Variants in MYO16 observed in about 807,000 individuals in gnomAD.
MYO16 encodes the protein unconventional myosin-XVI.
A neutral mutation model predicts 205.3 loss-of-function variants in MYO16; 94 were observed. The ratio of observed to expected loss-of-function variants is 0.46; its 90% CI spans 0.39 to 0.54. The LOEUF (loss-of-function observed/expected upper bound fraction) is 0.54. Ranked by LOEUF, MYO16 falls within the 20% of genes least tolerant of loss-of-function variation. The probability of loss-of-function intolerance (pLI) is 0.00; values close to 1 mark genes in which losing one functional copy is unlikely to be tolerated. For missense variants in MYO16, 2,315 were observed against 2,387.5 expected, an observed-to-expected ratio of 0.97 and a Z score of 0.63; for synonymous variants, 988 against 954.0, an observed-to-expected ratio of 1.04 and a Z score of -0.66.
the MYO16 span, among the ~76,000 whole-genome samples, chr13:108,510,278 G>A: frequency 5.3e-5 from 8 of 151,686 alleles, no homozygotes; most frequent in East Asian, 7.8e-4. Context: ...CATCACGCCC[G>A]GCTAATTTTT....
chr13:109,013,221 G>T (rs978471537), intron 22 of MYO16, among the ~76,000 whole-genome samples: 8 of 149,896 alleles, frequency 5.3e-5, no homozygotes, highest in African/African-American at 2.0e-4. Flanking sequence ...GCGGTGTTTG[G>T]TTTTCTGTCC....
At chr13:108,710,170 T>C (rs1883664884) in intron 2 of MYO16, among the ~76,000 whole-genome samples, 1 of 152,214 alleles carries the variant, frequency 6.6e-6, no homozygotes, top group African/African-American at 2.4e-5. Context: ...AGCTGACTGG[T>C]AAAATTCCAG....
intron 2 of MYO16, among the ~76,000 whole-genome samples, chr13:108,667,747 A>G (rs1009877040): frequency 6.6e-6 from 1 of 152,214 alleles, no homozygotes; most frequent in Non-Finnish European, 1.5e-5. Flanking sequence ...AAGTAACAAA[A>G]CACAAAAAAT....
chr13:108,718,025 G>A (rs1445116114), intron 3 of MYO16, among the ~76,000 whole-genome samples: 2 of 152,074 alleles, frequency 1.3e-5, no homozygotes, highest in Non-Finnish European at 2.9e-5. Context: ...GCCCAAAACC[G>A]AGCTGCTCTT....
chr13:108,853,009 AG>A (rs777426711), intron 10 of MYO16, among the ~76,000 whole-genome samples: 2 of 152,250 alleles, frequency 1.3e-5, no homozygotes, highest in African/African-American at 2.4e-5. Context: ...CATTTGAAGT[AG>A]GGAAGCTCAA....
In MYO16 at chr13:109,206,955, C is replaced by A; in HGVS notation, c.*119C>A. 1.3e-6 allele frequency: 1 copy of A among 772,202 alleles called. No homozygotes were observed. Among genetic ancestry groups the A allele is most frequent in the Non-Finnish European group, 2.1e-6 (1 of 477,122 alleles). 47.8% of individuals were successfully genotyped at this position (772,202 alleles called of 1,614,324 possible). On this transcript the variant is annotated 3_prime_UTR_variant, in exon 35 of 35. Coordinates refer to ENST00000457511, the MANE Select transcript of MYO16 (RefSeq NM_001198950.3). Reference sequence around the variant, plus strand: ...TCTCCACGCATTTAGACAAAAAAAGCACAGGACACAGACACTAAATATATG... The same window carrying A: ...TCTCCACGCATTTAGACAAAAAAAGAACAGGACACAGACACTAAATATATG...
chr13:109,055,490 AT>A lies in MYO16; in HGVS notation c.3235del (p.Tyr1079ThrfsTer15), dbSNP rs1451313099. ...NNSKLPDTFD[N>X]FYVSAQLQYI... ...TCAAAGCTGCCAGATACTTTTGATA[AT>A]TTTTACGTGTCTGCTCAGCTACAAT... is the stretch of plus-strand genomic sequence containing the variant. On this transcript the variant is annotated frameshift_variant, in exon 27 of 35. Transcript: ENST00000457511. LOFTEE classifies it high-confidence loss of function. The surrounding 1 kb of genome is among the most constrained non-coding windows in gnomAD (Gnocchi z 5.0). 6.2e-7 allele frequency: 1 copy of A among 1,613,018 alleles called. No individual in the cohort carries two copies. The highest frequency in any genetic ancestry group is 1.7e-5 in the Admixed American group (1 of 59,850).
At chr13:108,908,618 A>C (rs1178334459) in intron 15 of MYO16, among the ~76,000 whole-genome samples, 1 of 152,194 alleles carries the variant, frequency 6.6e-6, no homozygotes, top group African/African-American at 2.4e-5. Context: ...TCACCCAAAT[A>C]ATATTGACAA....
intron 27 of MYO16, among the ~76,000 whole-genome samples, chr13:109,071,650 A>G (rs1887928881): frequency 6.6e-6 from 1 of 152,212 alleles, no homozygotes; most frequent in South Asian, 2.1e-4. Flanking sequence ...CCATTTATAC[A>G]TTAGATTTGG....
chr13:109,174,176 A>C (rs1281268621), intron 33 of MYO16, among the ~76,000 whole-genome samples: 2 of 152,178 alleles, frequency 1.3e-5, no homozygotes, highest in African/African-American at 4.8e-5. Context: ...AAATGATGGG[A>C]GAATACAGCA....
intron 27 of MYO16, among the ~76,000 whole-genome samples, chr13:109,100,111 G>T (rs1481141251): frequency 6.6e-6 from 1 of 152,154 alleles, no homozygotes; most frequent in South Asian, 2.1e-4. Flanking sequence ...GTTAACCACT[G>T]TAAGTGCAAA....
intron 9 of MYO16, among the ~76,000 whole-genome samples, chr13:108,824,899 GA>G (rs1876171183): frequency 6.6e-6 from 1 of 151,942 alleles, no homozygotes; most frequent in African/African-American, 2.4e-5. Context: ...AGCAAGTAAA[GA>G]GATTGAATTA....
rs1208137749 is a variant in MYO16 at position 109,141,015 on chromosome 13, G to T, written c.4803G>T (p.Pro1601=). ...CCACGCCGCCCCCGCCCCCGCCCCCGCCCGGGCCGCCCCCCGCGCCCTACA... is the reference window on the plus strand; with the variant it reads ...CCACGCCGCCCCCGCCCCCGCCCCCTCCCGGGCCGCCCCCCGCGCCCTACA... ...PPSTPPPPPP[P]PGPPPAPYRP... is the part of the protein sequence containing the mutation. The change falls in exon 32 of 35, where the codon CCG becomes CCT. Residue 1601 remains proline (P), a synonymous_variant. Coordinates refer to ENST00000457511, the MANE Select transcript of MYO16 (RefSeq NM_001198950.3). The surrounding 1 kb of genome is among the most constrained non-coding windows in gnomAD (Gnocchi z 4.1). 3.1e-6 allele frequency: 4 copies of T among 1,286,906 alleles called. No homozygotes were observed. The highest frequency in any genetic ancestry group is 3.9e-6 in the Non-Finnish European group (4 of 1,019,228). 79.7% of individuals were successfully genotyped at this position (1,286,906 alleles called of 1,614,324 possible). A position where few individuals can be genotyped will look rare whatever the true frequency, so the allele number is the denominator to read the frequency against.
chr13:108,886,422 G>A (rs1566391190), intron 13 of MYO16: 1 of 456,210 alleles, frequency 2.2e-6, no homozygotes, highest in Admixed American at 2.3e-5. Flanking sequence ...CCAGGTTCTT[G>A]CCTCACGACC....
chr13:109,051,953 A>C (rs1887259854), intron 24 of MYO16, among the ~76,000 whole-genome samples: 1 of 151,994 alleles, frequency 6.6e-6, no homozygotes, highest in South Asian at 2.1e-4. Flanking sequence ...TCTAATAGAG[A>C]CCATAAGTCT....
intron 2 of MYO16, among the ~76,000 whole-genome samples, chr13:108,710,798 A>G (rs1883689581): frequency 6.6e-6 from 1 of 152,240 alleles, no homozygotes; most frequent in Admixed American, 6.5e-5. Context: ...TACTAATATT[A>G]TAACATGATA....
chr13:109,144,295 G>T (rs769029918), intron 32 of MYO16, among the ~76,000 whole-genome samples: 1 of 152,126 alleles, frequency 6.6e-6, no homozygotes, highest in African/African-American at 2.4e-5. Flanking sequence ...GATTACAGAC[G>T]TGAACCACCA....
Position 109,141,148 on chromosome 13 carries a change from C to T in MYO16, c.4936C>T (p.Pro1646Ser), listed in dbSNP as rs1420274505. The T allele has an allele frequency of 6.2e-7, 1 of 1,602,534 alleles. No individual in the cohort carries two copies. Among genetic ancestry groups the T allele is most frequent in the African/African-American group, 1.3e-5 (1 of 74,122 alleles). Residue 1646 changes from proline (P) to serine (S), a missense_variant, in exon 32 of 35, where the codon CCC (proline) becomes TCC (serine). Pro to Ser is a moderately conservative substitution (Grantham distance 74). Coordinates refer to ENST00000457511, the MANE Select transcript of MYO16 (RefSeq NM_001198950.3). The surrounding 1 kb of genome is among the most constrained non-coding windows in gnomAD (Gnocchi z 4.1). ...PKVHPKPNSA[P>S]VAGPCSSFPK... ...GGTTCACCCAAAGCCAAACTCTGCCCCCGTGGCCGGGCCCTGCAGCTCCTT... is the reference window on the plus strand; with the variant it reads ...GGTTCACCCAAAGCCAAACTCTGCCTCCGTGGCCGGGCCCTGCAGCTCCTT...
intron 10 of MYO16, among the ~76,000 whole-genome samples, chr13:108,849,269 C>T (rs1566367696): frequency 6.6e-6 from 1 of 152,170 alleles, no homozygotes; most frequent in Non-Finnish European, 1.5e-5. Context: ...CAGCTCACTG[C>T]AACCTCCGCC....
Sources: allele counts gnomAD v4.1 joint callset (sites outside exome capture counted in the v4.1 genomes callset), GRCh38; gene constraint gnomAD v4.1.1; non-coding constraint Gnocchi (gnomAD v3.1); transcripts MANE v1.5; gene names NCBI Gene and HGNC (gene_info 2026-07-23, HGNC 2026-07-21).